The following AFF3 variants were observed in gnomAD, a reference collection of about 807,000 sequenced individuals.
AFF3 encodes AF4/FMR2 family member 3.
AFF3 carries 32 observed loss-of-function variants against 129.7 expected under a neutral mutation model. That is an observed-to-expected ratio of 0.25 (90% CI 0.19 to 0.33). The LOEUF is 0.33. Ranked by LOEUF, AFF3 falls within the 10% of genes least tolerant of loss-of-function variation. The pLI, the probability that AFF3 is intolerant of heterozygous loss-of-function variation, is 1.00. For synonymous variants in AFF3, 644 were observed against 635.4 expected (o/e 1.01, Z -0.20); for missense variants, 1,373 against 1,592.0 (o/e 0.86, Z 2.34).
chr2:99,759,523 C>T (rs1213066606), intron 8 of AFF3, among the ~76,000 whole-genome samples: 1 of 152,202 alleles, frequency 6.6e-6, no homozygotes, highest in Non-Finnish European at 1.5e-5. Flanking sequence ...TGAACATCCA[C>T]ATTTCAATGC....
chr2:99,612,422 G>A (rs892567041), intron 13 of AFF3, among the ~76,000 whole-genome samples: 2 of 152,090 alleles, frequency 1.3e-5, no homozygotes, highest in African/African-American at 4.8e-5. Flanking sequence ...ATTTTACAAG[G>A]GTGTATACCA....
intron 11 of AFF3, among the ~76,000 whole-genome samples, chr2:99,725,040 T>G (rs1679248129): frequency 6.6e-6 from 1 of 151,424 alleles, no homozygotes; most frequent in Non-Finnish European, 1.5e-5. Context: ...GTGCGATCTC[T>G]GCTCACTGCA....
intron 2 of AFF3, 194 bp from the exon 3 acceptor site, chr2:100,105,777 G>C: frequency 7.4e-7 from 1 of 1,358,942 alleles, no homozygotes; most frequent in Non-Finnish European, 9.8e-7. Context: ...TGACTCTCCT[G>C]ACCTCTTGGC....
chr2:99,726,960 G>C (rs2104997338), intron 11 of AFF3, 117 bp downstream of exon 11: 1 of 926,340 alleles, frequency 1.1e-6, no homozygotes, highest in Non-Finnish European at 1.6e-6. Context: ...CATGAGAAAA[G>C]AGAACCATGG....
chr2:99,929,012 T>C (rs550480639), intron 7 of AFF3, among the ~76,000 whole-genome samples: 4 of 152,176 alleles, frequency 2.6e-5, no homozygotes, highest in Admixed American at 6.5e-5. Context: ...AAGTCAACTT[T>C]TAAAGAAGTA....
At chr2:100,090,604 A>C (rs1248256733) in intron 4 of AFF3, among the ~76,000 whole-genome samples, 10 of 152,184 alleles carry the variant, frequency 6.6e-5, no homozygotes, top group African/African-American at 1.4e-4. Context: ...GTTCAAAATA[A>C]ATCTCAAGAT....
chr2:99,558,654 T>A (rs527592890), intron 22 of AFF3, among the ~76,000 whole-genome samples: 12 of 151,932 alleles, frequency 7.9e-5, no homozygotes, highest in Non-Finnish European at 1.5e-4. Context: ...AATAAAAAAA[T>A]AAAAATACTT....
intron 8 of AFF3, among the ~76,000 whole-genome samples, chr2:99,798,421 T>C (rs935076777): frequency 7.9e-5 from 12 of 151,956 alleles, no homozygotes; most frequent in African/African-American, 2.7e-4. Flanking sequence ...ACGGTTAGGA[T>C]TGTCTATTTT....
At chr2:100,078,405 T>C (rs1318645859) in intron 4 of AFF3, among the ~76,000 whole-genome samples, 4 of 152,204 alleles carry the variant, frequency 2.6e-5, no homozygotes, top group African/African-American at 9.7e-5. Context: ...ACCAAAATCA[T>C]AGATTTAGAG....
chr2:99,582,017 G>A (rs541375673), intron 17 of AFF3, among the ~76,000 whole-genome samples: 19 of 152,060 alleles, frequency 1.2e-4, no homozygotes, highest in African/African-American at 3.4e-4. Flanking sequence ...ACCACGCTAG[G>A]CTAATTTTTG....
chr2:99,730,922 TTC>T (rs1679773730), intron 10 of AFF3, among the ~76,000 whole-genome samples: 1 of 152,168 alleles, frequency 6.6e-6, no homozygotes, highest in African/African-American at 2.4e-5. Flanking sequence ...TTATTTTAAA[TTC>T]TGTTAGCCCT....
chr2:99,927,658 G>C (rs1696355964), intron 7 of AFF3, among the ~76,000 whole-genome samples: 1 of 151,972 alleles, frequency 6.6e-6, no homozygotes, highest in Non-Finnish European at 1.5e-5. Flanking sequence ...TGATTAAATA[G>C]TCTGTACAAC....
chr2:99,554,824 G>A, intron 22 of AFF3, 92 bp from the exon 23 acceptor site: 2 of 1,463,672 alleles, frequency 1.4e-6, no homozygotes, highest in Admixed American at 1.8e-5. Flanking sequence ...GCAGAGAGAA[G>A]CAAAGGCAGA....
chr2:100,127,747 A>G (rs17023529), intron 2 of AFF3, among the ~76,000 whole-genome samples: 2 of 152,174 alleles, frequency 1.3e-5, no homozygotes, highest in Non-Finnish European at 2.9e-5. Context: ...TTCACGGAGT[A>G]GGTAGATCTT....
intron 7 of AFF3, among the ~76,000 whole-genome samples, chr2:99,954,319 T>G (rs1676431033): frequency 6.6e-6 from 1 of 152,214 alleles, no homozygotes; most frequent in Non-Finnish European, 1.5e-5. Flanking sequence ...CTTAGGGCTA[T>G]TCTGATTTAA....
rs185739846 is a variant in AFF3 at position 99,694,770 on chromosome 2, A to C, written c.1092-22181T>G. 7.9e-5 allele frequency among the ~76,000 whole-genome samples: 12 copies of C among 152,294 alleles called. No homozygotes were observed. The East Asian group carries it at 2.3e-3, about 29-fold the overall frequency. On this transcript the variant is annotated intron_variant, in intron 11 of 24. Coordinates refer to ENST00000672756, the MANE Select transcript of AFF3 (RefSeq NM_001386135.1). ...CACTCAGGCTGGAGTACAGCGGTAC[A>C]TTCTTGGCTCACTGAAACCTCAGCC... is the stretch of plus-strand genomic sequence containing the variant.
chr2:99,996,602 G>A lies in AFF3; in HGVS notation c.873+10030C>T, dbSNP rs373235183. 1.5e-4 allele frequency among the ~76,000 whole-genome samples: 22 copies of A among 143,822 alleles called. 1 individual carries two copies. In the East Asian group the frequency reaches 2.8e-3, roughly 18 times the overall value. 94.4% of individuals were successfully genotyped at this position (143,822 alleles called of 152,430 possible). A position where few individuals can be genotyped will look rare whatever the true frequency, so the allele number is the denominator to read the frequency against. ...TTGCCATGTTAGCCAGGATGGTCTCGATCTCCTGACCTTGTGATCCGCCCG... is the reference window on the plus strand; with the variant it reads ...TTGCCATGTTAGCCAGGATGGTCTCAATCTCCTGACCTTGTGATCCGCCCG... On this transcript the variant is annotated intron_variant, in intron 7 of 24. Coordinates refer to ENST00000672756, the MANE Select transcript of AFF3 (RefSeq NM_001386135.1).
intron 7 of AFF3, among the ~76,000 whole-genome samples, chr2:99,866,136 C>T (rs1312073843): frequency 1.3e-5 from 2 of 152,146 alleles, no homozygotes. Context: ...AAATGGAATG[C>T]ATGCATCTTA....
chr2:99,912,985 A>G (rs1695210638), intron 7 of AFF3, among the ~76,000 whole-genome samples: 1 of 152,006 alleles, frequency 6.6e-6, no homozygotes, highest in Non-Finnish European at 1.5e-5. Flanking sequence ...GCCCCAACAC[A>G]CTGTTCCCCA....
Sources: allele counts gnomAD v4.1 joint callset (sites outside exome capture counted in the v4.1 genomes callset), GRCh38; gene constraint gnomAD v4.1.1; transcripts MANE v1.5; gene names NCBI Gene and HGNC (gene_info 2026-07-23, HGNC 2026-07-21).